The following RFTN1 variants were observed in gnomAD, a reference collection of about 807,000 sequenced individuals.
RFTN1 encodes the protein raftlin, lipid raft linker 1.
Under a neutral mutation model 46.5 loss-of-function variants are expected in RFTN1, and 26 were observed. That is an observed-to-expected ratio of 0.56 (90% CI 0.41 to 0.78). The LOEUF (loss-of-function observed/expected upper bound fraction) is 0.78, where lower values mean the gene tolerates loss of function less well. Ranked by LOEUF, RFTN1 falls within the 30% of genes least tolerant of loss-of-function variation. RFTN1 has a pLI of 0.00. For missense variants in RFTN1, 693 were observed against 718.7 expected, an observed-to-expected ratio of 0.96 and a Z score of 0.41; for synonymous variants, 261 against 284.2, an observed-to-expected ratio of 0.92 and a Z score of 0.82.
rs1002470586 is a variant in RFTN1, at chr3:16,316,670, T to C, written c.*158A>G. 4 of 786,572 alleles carry C rather than the reference T, an allele frequency of 5.1e-6. No homozygotes were observed. The highest frequency in any genetic ancestry group is 4.2e-6 in the Non-Finnish European group (2 of 471,390). The allele number at this position is 786,572 out of a possible 1,614,324, so 48.7% of individuals were successfully genotyped here. A position where few individuals can be genotyped will look rare whatever the true frequency, so the allele number is the denominator to read the frequency against. Reference sequence around the variant, plus strand: ...GCAAAAACCAACACTGTCAGGAACCTGGCCCTGGGAGGGCTCAGGTGAGCT... The same window carrying C: ...GCAAAAACCAACACTGTCAGGAACCCGGCCCTGGGAGGGCTCAGGTGAGCT... On this transcript the variant is annotated 3_prime_UTR_variant, in exon 10 of 10. Coordinates refer to ENST00000334133, the MANE Select transcript of RFTN1 (RefSeq NM_015150.2). This position sits in a 1 kb window ranked among gnomAD's most constrained non-coding sequence, Gnocchi z 4.5.
At chr3:16,494,085 A>G (rs565429700) in intron 1 of RFTN1, among the ~76,000 whole-genome samples, 2 of 152,088 alleles carry the variant, frequency 1.3e-5, no homozygotes, top group Non-Finnish European at 2.9e-5. Context: ...CTAAGATACT[A>G]TTACCAGCCG....
Position 16,433,987 on chromosome 3 carries a change from G to T in RFTN1, c.196C>A (p.Pro66Thr). The T allele has an allele frequency of 6.2e-7, 1 of 1,613,032 alleles. No individual in the cohort carries two copies. The highest frequency in any genetic ancestry group is 8.5e-7 in the Non-Finnish European group (1 of 1,179,654). Reference protein sequence around the residue: ...AVRLASLRDLPAQLLELYQQG... With the variant: ...AVRLASLRDLTAQLLELYQQG... ...TGGTACAGCTCCAGGAGCTGGGCGG[G>T]CAGGTCACGCAGGGAGGCCAGCCTC... Residue 66 changes from proline (P) to threonine (T), a missense_variant, in exon 3 of 10, where the codon CCC becomes ACC. By Grantham distance (38) the Pro-to-Thr change is conservative (BLOSUM62 -1). Transcript: ENST00000334133. This position sits in a 1 kb window ranked among gnomAD's most constrained non-coding sequence, Gnocchi z 4.4.
In RFTN1 at chr3:16,383,789, C is replaced by T. The variant is rs374465780; in HGVS notation, c.442-5687G>A. ...CATAGGAAAAGGAAGAGAAAAGCCT[C>T]CTGCTCACAGGTCAATAGGGATTGG... is the stretch of plus-strand genomic sequence containing the variant. On this transcript the variant is annotated intron_variant, in intron 4 of 9. Transcript: ENST00000334133. This position sits in a 1 kb window ranked among gnomAD's most constrained non-coding sequence, Gnocchi z 4.0. 7.7e-4 allele frequency among the ~76,000 whole-genome samples: 117 copies of T among 152,232 alleles called. No individual in the cohort carries two copies. The highest frequency in any genetic ancestry group is 2.6e-3 in the African/African-American group (110 of 41,530).
At chr3:16,417,193 T>A (rs1274946502) in intron 3 of RFTN1, among the ~76,000 whole-genome samples, 3 of 151,196 alleles carry the variant, frequency 2.0e-5, no homozygotes, top group Non-Finnish European at 3.0e-5. Flanking sequence ...TTTTTTTGAA[T>A]TTTAGTAAAG....
chr3:16,389,495 C>CG (rs11367496), intron 4 of RFTN1, among the ~76,000 whole-genome samples: 13 of 151,994 alleles, frequency 8.6e-5, no homozygotes, highest in East Asian at 7.7e-4. Flanking sequence ...GGTTTTTTTT[C>CG]GGGGGGGAGG....
chr3:16,383,283 C>G lies in RFTN1; in HGVS notation c.442-5181G>C, dbSNP rs540716276. Reference sequence around the variant, plus strand: ...GATATACACCCTCACCCACCTTATTCTCATTTCTGCTGCCTGTAAGAACCC... The same window carrying G: ...GATATACACCCTCACCCACCTTATTGTCATTTCTGCTGCCTGTAAGAACCC... On this transcript the variant is annotated intron_variant, in intron 4 of 9. Coordinates refer to ENST00000334133, the MANE Select transcript of RFTN1 (RefSeq NM_015150.2). This position sits in a 1 kb window ranked among gnomAD's most constrained non-coding sequence, Gnocchi z 4.0. Among the ~76,000 whole-genome samples the G allele has an allele frequency of 6.6e-6, 1 of 152,274 alleles. No individual in the cohort carries two copies. Among genetic ancestry groups the G allele is most frequent in the East Asian group, 1.9e-4 (1 of 5,176 alleles).
At chr3:16,444,889 T>G (rs2075698641) in intron 2 of RFTN1, among the ~76,000 whole-genome samples, 1 of 152,256 alleles carries the variant, frequency 6.6e-6, no homozygotes, top group African/African-American at 2.4e-5. Context: ...TTATTTGTTG[T>G]TATTAATCTT....
chr3:16,507,772 CACAT>C lies in RFTN1; in HGVS notation c.-9+5666_-9+5669del, dbSNP rs1212848127. 1.3e-5 allele frequency among the ~76,000 whole-genome samples: 2 copies of C among 151,562 alleles called. No homozygotes were observed. The highest frequency in any genetic ancestry group is 2.9e-5 in the Non-Finnish European group (2 of 67,890). The stretch of plus-strand genomic sequence containing the variant: ...GCACACTCACATACACACAAACACA[CACAT>C]ACACTCACATACACACAAACACACA... On this transcript the variant is annotated intron_variant, in intron 1 of 9. Coordinates refer to ENST00000334133, the MANE Select transcript of RFTN1 (RefSeq NM_015150.2). This position sits in a 1 kb window ranked among gnomAD's most constrained non-coding sequence, Gnocchi z 7.1.
At chr3:16,339,723 TG>T (rs2071183824) in intron 7 of RFTN1, 1 of 152,260 alleles carries the variant, frequency 6.6e-6, no homozygotes, top group Non-Finnish European at 1.5e-5. Context: ...GATCATGACT[TG>T]GTGCTTCGTT....
chr3:16,403,076 G>T (rs2074644802), intron 4 of RFTN1, among the ~76,000 whole-genome samples: 1 of 152,158 alleles, frequency 6.6e-6, no homozygotes, highest in African/African-American at 2.4e-5. Flanking sequence ...GGCGGCAAGG[G>T]CCTGGAGCCC....
chr3:16,324,613 A>ACCCCCC (rs111849488), intron 8 of RFTN1, among the ~76,000 whole-genome samples: 8 of 90,826 alleles, frequency 8.8e-5, no homozygotes, highest in East Asian at 3.4e-4. Context: ...AATGTCCCTG[A>ACCCCCC]CCCCCCCCCT....
In RFTN1 at chr3:16,459,508, G is replaced by T. The variant is rs553246769; in HGVS notation, c.146-25471C>A. 2.0e-5 allele frequency among the ~76,000 whole-genome samples: 3 copies of T among 152,304 alleles called. No homozygotes were observed. The highest frequency in any genetic ancestry group is 4.4e-5 in the Non-Finnish European group (3 of 68,030). ...TACTTGGAGACTAAGGTGGGGCACT[G>T]CTTAAGCTCAGGAGTTCAAGGCTAC... On this transcript the variant is annotated intron_variant, in intron 2 of 9. Transcript: ENST00000334133. The surrounding 1 kb of genome is among the most constrained non-coding windows in gnomAD (Gnocchi z 4.2).
At chr3:16,505,612 G>A (rs891027217) in intron 1 of RFTN1, among the ~76,000 whole-genome samples, 4 of 152,242 alleles carry the variant, frequency 2.6e-5, no homozygotes, top group African/African-American at 9.6e-5. Flanking sequence ...TCTGGAGTCA[G>A]AGTTCCTTCT....
chr3:16,382,179 G>C lies in RFTN1; in HGVS notation c.442-4077C>G, dbSNP rs2125386146. Among the ~76,000 whole-genome samples, 1 of 152,260 alleles carries C rather than the reference G, an allele frequency of 6.6e-6. No homozygotes were observed. The highest frequency in any genetic ancestry group is 1.9e-4 in the East Asian group (1 of 5,178). On this transcript the variant is annotated intron_variant, in intron 4 of 9. Transcript: ENST00000334133. The surrounding 1 kb of genome is among the most constrained non-coding windows in gnomAD (Gnocchi z 4.7). ...TGGAAGTAGAATTAATGAATGAAGG[G>C]ATATTAACTTTTCAAAGGCTTGGCA...
intron 4 of RFTN1, among the ~76,000 whole-genome samples, chr3:16,401,007 C>T (rs2074586765): frequency 6.6e-6 from 1 of 152,100 alleles, no homozygotes; most frequent in Admixed American, 6.5e-5. Flanking sequence ...CAATACCTTT[C>T]AGCTGAAAAA....
intron 2 of RFTN1, among the ~76,000 whole-genome samples, chr3:16,492,691 A>G (rs1295502170): frequency 1.3e-5 from 2 of 152,240 alleles, no homozygotes; most frequent in Non-Finnish European, 1.5e-5. Flanking sequence ...CAAAAAGAAT[A>G]GCATGTTCTT....
At chr3:16,462,640 T>A (rs1159334096) in intron 2 of RFTN1, among the ~76,000 whole-genome samples, 1 of 152,216 alleles carries the variant, frequency 6.6e-6, no homozygotes, top group Non-Finnish European at 1.5e-5. Flanking sequence ...AAGGAATAGA[T>A]TTTCCTTCAA....
In RFTN1 at chr3:16,480,854, T is replaced by G. The variant is rs1365377704; in HGVS notation, c.145+12871A>C. Among the ~76,000 whole-genome samples, 3 of 152,220 alleles carry G rather than the reference T, an allele frequency of 2.0e-5. No homozygotes were observed. Among genetic ancestry groups the G allele is most frequent in the Admixed American group, 6.5e-5 (1 of 15,286 alleles). ...ATTACCACTACCTCAAGGCTGCTTT[T>G]ATGAATCCCTGCAGAAAAATAATTT... On this transcript the variant is annotated intron_variant, in intron 2 of 9. Coordinates refer to ENST00000334133, the MANE Select transcript of RFTN1 (RefSeq NM_015150.2). This position sits in a 1 kb window ranked among gnomAD's most constrained non-coding sequence, Gnocchi z 4.3.
rs980935685 is a variant in RFTN1, at chr3:16,346,899, C to A, written c.1146+11033G>T. Among the ~76,000 whole-genome samples the A allele has an allele frequency of 1.3e-5, 2 of 152,178 alleles. No individual in the cohort carries two copies. Among genetic ancestry groups the A allele is most frequent in the African/African-American group, 4.8e-5 (2 of 41,434 alleles). On this transcript the variant is annotated intron_variant, in intron 7 of 9. Coordinates refer to ENST00000334133, the MANE Select transcript of RFTN1 (RefSeq NM_015150.2). This position sits in a 1 kb window ranked among gnomAD's most constrained non-coding sequence, Gnocchi z 4.4. ...CTGGATCCCTGGTGGCATCTTTAAGCTGTTGACAAAGCTGACTCTGCAACC... is the reference window on the plus strand; with the variant it reads ...CTGGATCCCTGGTGGCATCTTTAAGATGTTGACAAAGCTGACTCTGCAACC...
Sources: gnomAD v4.1 joint callset for allele counts (sites outside exome capture counted in the v4.1 genomes callset) on GRCh38, gnomAD v4.1.1 for gene constraint, Gnocchi (gnomAD v3.1) non-coding constraint, MANE v1.5 for transcripts, NCBI Gene and HGNC (gene_info 2026-07-23, HGNC 2026-07-21) for gene names.